KCTD16: variants seen among roughly 807,000 people sequenced by gnomAD.
The protein encoded by KCTD16 is BTB/POZ domain-containing protein KCTD16.
A neutral mutation model predicts 33.2 loss-of-function variants in KCTD16; 13 were observed. The ratio of observed to expected loss-of-function variants is 0.39; its 90% confidence interval spans 0.25 to 0.62. The LOEUF is 0.62. Among genes scored for constraint, KCTD16 ranks in the 20% least tolerant of loss-of-function variants. KCTD16 has a pLI of 0.50. For missense variants in KCTD16, 441 were observed against 525.1 expected (o/e 0.84, Z 1.57); for synonymous variants, 197 against 195.3 (o/e 1.01, Z -0.07).
At chr5:144,189,718 C>T (rs751994499) in intron 2 of KCTD16, among the ~76,000 whole-genome samples, 15 of 152,016 alleles carry the variant, frequency 9.9e-5, no homozygotes, top group South Asian at 2.1e-4. Context: ...ATACACATGC[C>T]CTTTAGTTTT....
At chr5:144,360,064 T>A (rs1201365911) in intron 3 of KCTD16, among the ~76,000 whole-genome samples, 2 of 152,200 alleles carry the variant, frequency 1.3e-5, no homozygotes, top group Admixed American at 1.3e-4. Context: ...ACTGTGTAAA[T>A]GTGAACAGAT....
chr5:144,360,156 A>G (rs975181071), intron 3 of KCTD16, among the ~76,000 whole-genome samples: 16 of 152,044 alleles, frequency 1.1e-4, no homozygotes, highest in Admixed American at 1.0e-3. Context: ...GGTTTGTTAC[A>G]TAGGTATACA....
At chr5:144,305,745 C>T (rs763235792) in intron 3 of KCTD16, among the ~76,000 whole-genome samples, 1 of 152,048 alleles carries the variant, frequency 6.6e-6, no homozygotes, top group African/African-American at 2.4e-5. Flanking sequence ...ACCCAGGAGG[C>T]GCAGGTTGCA....
chr5:144,465,689 C>T (rs1163463617), intron 3 of KCTD16, among the ~76,000 whole-genome samples: 1 of 151,536 alleles, frequency 6.6e-6, no homozygotes. Context: ...GTTTATGACT[C>T]ATAAATGTTT....
At chr5:144,333,218 A>G (rs1301916950) in intron 3 of KCTD16, among the ~76,000 whole-genome samples, 2 of 152,190 alleles carry the variant, frequency 1.3e-5, no homozygotes, top group Admixed American at 1.3e-4. Context: ...GAGCTTTAGG[A>G]CTTCCAGGGT....
chr5:144,237,543 G>A (rs1363002929), intron 3 of KCTD16, among the ~76,000 whole-genome samples: 3 of 151,662 alleles, frequency 2.0e-5, no homozygotes, highest in Non-Finnish European at 4.4e-5. Context: ...TGGTTTTTTG[G>A]ACAAAATTTT....
chr5:144,312,728 G>C (rs1182956800), intron 3 of KCTD16, among the ~76,000 whole-genome samples: 1 of 152,178 alleles, frequency 6.6e-6, no homozygotes, highest in Non-Finnish European at 1.5e-5. Context: ...CGTTGGCAAA[G>C]TGCTAGAGGA....
At chr5:144,424,748 T>C (rs1312487680) in intron 3 of KCTD16, among the ~76,000 whole-genome samples, 1 of 152,118 alleles carries the variant, frequency 6.6e-6, no homozygotes, top group East Asian at 1.9e-4. Flanking sequence ...GCCAAAGTTA[T>C]CCTTTTATCA....
intron 2 of KCTD16, among the ~76,000 whole-genome samples, chr5:144,196,093 A>G (rs1263007419): frequency 6.6e-6 from 1 of 152,194 alleles, no homozygotes; most frequent in Non-Finnish European, 1.5e-5. Context: ...TAAATATTTG[A>G]GTAAATGAAT....
At chr5:144,205,003 AG>A (rs1753128566) in intron 2 of KCTD16, among the ~76,000 whole-genome samples, 1 of 145,336 alleles carries the variant, frequency 6.9e-6, no homozygotes, top group South Asian at 2.3e-4. Flanking sequence ...AGGAGGGGGG[AG>A]GGGGGAAGAT....
rs141206110 is a variant in KCTD16 at position 144,240,263 on chromosome 5, G to C, written c.832+32717G>C. Among the ~76,000 whole-genome samples the C allele has an allele frequency of 3.0e-4, 46 of 152,214 alleles. No homozygotes were observed. In the East Asian group the frequency reaches 6.2e-3, roughly 20 times the overall value. On this transcript the variant is annotated intron_variant, in intron 3 of 3. Coordinates refer to ENST00000512467, the MANE Select transcript of KCTD16 (RefSeq NM_020768.4). ...AAATGAGTATCTGGAATCTCCTGAG[G>C]AATCAGTCAGCAATTATGAAACCTC...
intron 3 of KCTD16, among the ~76,000 whole-genome samples, chr5:144,445,875 C>T (rs910010871): frequency 6.6e-6 from 1 of 151,936 alleles, no homozygotes; most frequent in African/African-American, 2.4e-5. Context: ...GGGGGCTAAA[C>T]TGCTTCAATC....
intron 3 of KCTD16, among the ~76,000 whole-genome samples, chr5:144,319,644 C>T (rs957887626): frequency 7.9e-5 from 12 of 152,346 alleles, no homozygotes; most frequent in African/African-American, 2.6e-4. Flanking sequence ...TTCAGTTTCA[C>T]TGTCAATGTT....
intron 1 of KCTD16, among the ~76,000 whole-genome samples, chr5:144,171,834 G>A (rs1168076267): frequency 6.6e-6 from 1 of 152,168 alleles, no homozygotes; most frequent in African/African-American, 2.4e-5. Context: ...ACTGATGAGT[G>A]ATGTTTAAAT....
chr5:144,240,923 G>T (rs562611381), intron 3 of KCTD16, among the ~76,000 whole-genome samples: 9 of 152,240 alleles, frequency 5.9e-5, no homozygotes, highest in African/African-American at 2.2e-4. Context: ...AATGCTCTTA[G>T]ATTGTTTAGG....
intron 3 of KCTD16, among the ~76,000 whole-genome samples, chr5:144,311,450 G>C (rs1264029568): frequency 2.0e-5 from 3 of 152,018 alleles, no homozygotes; most frequent in Non-Finnish European, 4.4e-5. Context: ...CTACTTCTAG[G>C]AAGTATGCTG....
intron 3 of KCTD16, among the ~76,000 whole-genome samples, chr5:144,222,618 C>A (rs577944310): frequency 6.6e-6 from 1 of 152,060 alleles, no homozygotes; most frequent in Non-Finnish European, 1.5e-5. Context: ...GTTAGAATGG[C>A]GATCATTAAA....
rs116254243 is a variant in KCTD16, at chr5:144,238,282, G to T, written c.832+30736G>T. Reference sequence around the variant, plus strand: ...TTATAGCTAAAAAAGATTCAAGAAAGAAAATATTTCAGATAGGTTTCTGTT... The same window carrying T: ...TTATAGCTAAAAAAGATTCAAGAAATAAAATATTTCAGATAGGTTTCTGTT... On this transcript the variant is annotated intron_variant, in intron 3 of 3. Transcript: ENST00000512467. Among the ~76,000 whole-genome samples the T allele has an allele frequency of 8.2e-3, 1,247 of 152,194 alleles. 9 individuals carry two copies. The highest frequency in any genetic ancestry group is 0.012 in the Non-Finnish European group (810 of 67,986).
At chr5:144,383,378 G>T (rs1379366545) in intron 3 of KCTD16, among the ~76,000 whole-genome samples, 1 of 151,882 alleles carries the variant, frequency 6.6e-6, no homozygotes, top group Non-Finnish European at 1.5e-5. Context: ...CAGCTTTTTT[G>T]ATTTGAAATA....
Sources: gnomAD v4.1 joint callset for allele counts (sites outside exome capture counted in the v4.1 genomes callset) on GRCh38, gnomAD v4.1.1 for gene constraint, MANE v1.5 for transcripts, NCBI Gene and HGNC (gene_info 2026-07-23, HGNC 2026-07-21) for gene names.